TCF7L2: variants seen among roughly 807,000 people sequenced by gnomAD.
The protein encoded by TCF7L2 is transcription factor 7 like 2.
TCF7L2 carries 23 observed loss-of-function variants against 77.9 expected under a neutral mutation model. The ratio of observed to expected loss-of-function variants is 0.30; its 90% CI spans 0.21 to 0.42. TCF7L2 has a LOEUF of 0.42. Among genes scored for constraint, TCF7L2 ranks in the 10% least tolerant of loss-of-function variants. The probability of loss-of-function intolerance (pLI) is 1.00; values close to 1 mark genes in which losing one functional copy is unlikely to be tolerated. For synonymous variants in TCF7L2, 413 were observed against 340.2 expected (o/e 1.21, Z -2.36); for missense variants, 654 against 793.1 (o/e 0.82, Z 2.11).
At chr10:113,142,512 G>A (rs963635987) in intron 6 of TCF7L2, among the ~76,000 whole-genome samples, 2 of 152,240 alleles carry the variant, frequency 1.3e-5, no homozygotes, top group Non-Finnish European at 2.9e-5. Context: ...CTCAGTAATT[G>A]GAAGGATGGG....
At chr10:113,149,139 T>C (rs977339808) in intron 8 of TCF7L2, among the ~76,000 whole-genome samples, 9 of 152,216 alleles carry the variant, frequency 5.9e-5, no homozygotes, top group African/African-American at 2.2e-4. Context: ...CAAGAACACA[T>C]GTTCTTAACT....
chr10:113,139,162 C>T (rs1019266244), intron 5 of TCF7L2, among the ~76,000 whole-genome samples: 4 of 152,168 alleles, frequency 2.6e-5, no homozygotes, highest in East Asian at 3.9e-4. Context: ...TTCATGTCAG[C>T]GGGTATGTAT....
intron 5 of TCF7L2, among the ~76,000 whole-genome samples, chr10:113,108,669 A>G (rs895862174): frequency 1.6e-4 from 24 of 152,150 alleles, no homozygotes; most frequent in African/African-American, 4.8e-4. Flanking sequence ...CCCCTGCAGT[A>G]TGGACGTGGT....
Position 113,083,350 on chromosome 10 carries a change from G to A in TCF7L2, c.552+43224G>A, listed in dbSNP as rs569362150. The stretch of plus-strand genomic sequence containing the variant: ...CACTCACACCTTGCCACTCACACAT[G>A]CTCACATTAAAAAAAAATAATAATG... On this transcript the variant is annotated intron_variant, in intron 5 of 13. Transcript: ENST00000627217. Among the ~76,000 whole-genome samples the A allele has an allele frequency of 3.3e-5, 5 of 150,564 alleles. No individual in the cohort carries two copies. In the South Asian group the frequency reaches 6.3e-4, roughly 19 times the overall value.
intron 5 of TCF7L2, among the ~76,000 whole-genome samples, chr10:113,113,681 G>C (rs1029449290): frequency 6.6e-6 from 1 of 152,134 alleles, no homozygotes; most frequent in Non-Finnish European, 1.5e-5. Context: ...AGCATTTAAA[G>C]AAATTAAATT....
chr10:113,141,764 G>A (rs1368432126), intron 6 of TCF7L2, among the ~76,000 whole-genome samples: 1 of 152,204 alleles, frequency 6.6e-6, no homozygotes, highest in Non-Finnish European at 1.5e-5. Flanking sequence ...CACTGGCTAA[G>A]AGGCTCCAGT....
At chr10:113,089,354 C>T (rs753062628) in intron 5 of TCF7L2, 26 of 1,585,726 alleles carry the variant, frequency 1.6e-5, no homozygotes, top group African/African-American at 2.7e-5. Flanking sequence ...GACGTGTCCC[C>T]CTCGCTCCCG....
At chr10:112,979,089 G>GT (rs896133764) in intron 4 of TCF7L2, among the ~76,000 whole-genome samples, 1 of 151,838 alleles carries the variant, frequency 6.6e-6, no homozygotes, top group African/African-American at 2.4e-5. Context: ...AGTTGGTATT[G>GT]TTTTTTTTCT....
At chr10:113,143,264 C>G (rs577985058) in intron 6 of TCF7L2, among the ~76,000 whole-genome samples, 20 of 152,280 alleles carry the variant, frequency 1.3e-4, no homozygotes, top group Non-Finnish European at 2.9e-4. Context: ...TTAATCCCCA[C>G]AGACGACTCT....
intron 3 of TCF7L2, 103 bp downstream of exon 3, chr10:112,951,710 C>T (rs2031474877): frequency 3.6e-6 from 2 of 552,562 alleles, no homozygotes; most frequent in Non-Finnish European, 4.6e-6. Flanking sequence ...GCCTCCCCCT[C>T]CCCGCCTCCT....
intron 5 of TCF7L2, among the ~76,000 whole-genome samples, chr10:113,110,194 A>T (rs1334449627): frequency 2.6e-5 from 4 of 152,174 alleles, no homozygotes; most frequent in Admixed American, 1.3e-4. Flanking sequence ...GATGCATTTT[A>T]AAAAATATTA....
intron 5 of TCF7L2, chr10:113,089,389 C>T: frequency 1.2e-6 from 2 of 1,611,840 alleles, no homozygotes; most frequent in Admixed American, 1.7e-5. Context: ...CCCCTTTCTT[C>T]CTGGCAGCAG....
At chr10:113,062,507 T>C (rs1382143136) in intron 5 of TCF7L2, among the ~76,000 whole-genome samples, 1 of 152,180 alleles carries the variant, frequency 6.6e-6, no homozygotes, top group Non-Finnish European at 1.5e-5. Context: ...TCTGGTCACA[T>C]TTCTTTCTTG....
At chr10:113,057,304 G>A (rs778240183) in intron 5 of TCF7L2, among the ~76,000 whole-genome samples, 1 of 152,296 alleles carries the variant, frequency 6.6e-6, no homozygotes, top group Admixed American at 6.5e-5. Context: ...AGAAGAGCTC[G>A]GATTACAGGT....
intron 5 of TCF7L2, among the ~76,000 whole-genome samples, chr10:113,048,904 C>T (rs1376132494): frequency 6.6e-6 from 1 of 152,146 alleles, no homozygotes; most frequent in Non-Finnish European, 1.5e-5. Flanking sequence ...TGTATGAAGT[C>T]ATTTGATGAT....
chr10:113,044,929 G>A (rs1257658057), intron 5 of TCF7L2, among the ~76,000 whole-genome samples: 3 of 152,114 alleles, frequency 2.0e-5, no homozygotes, highest in Admixed American at 6.5e-5. Context: ...CTGTAGGAGC[G>A]TGTGTTAAGC....
chr10:113,112,437 G>T (rs572081776), intron 5 of TCF7L2, among the ~76,000 whole-genome samples: 1 of 152,324 alleles, frequency 6.6e-6, no homozygotes, highest in African/African-American at 2.4e-5. Context: ...CCCGGCTAGC[G>T]ACTGGCAAGG....
chr10:113,095,215 GATTCTGGGAC>G (rs2060827766), intron 5 of TCF7L2, among the ~76,000 whole-genome samples: 1 of 152,186 alleles, frequency 6.6e-6, no homozygotes, highest in South Asian at 2.1e-4. Context: ...AAGAGAGAGT[GATTCTGGGAC>G]ATTCCATAAT....
intron 5 of TCF7L2, among the ~76,000 whole-genome samples, chr10:113,053,282 C>T (rs4077527): frequency 0.52 from 79,499 of 151,584 alleles, 23,230 homozygotes; most frequent in African/African-American, 0.77. Flanking sequence ...TGGCCAGCAC[C>T]GCATACGGAG....
Sources: allele counts gnomAD v4.1 joint callset (sites outside exome capture counted in the v4.1 genomes callset), GRCh38; gene constraint gnomAD v4.1.1; transcripts MANE v1.5; gene names NCBI Gene and HGNC (gene_info 2026-07-23, HGNC 2026-07-21).